QSOX1: variants seen among roughly 807,000 people sequenced by gnomAD.
The protein encoded by QSOX1 is sulfhydryl oxidase 1.
In QSOX1, 40 loss-of-function variants were observed where a neutral mutation model predicts 76.1. That is an observed-to-expected ratio of 0.53 (90% CI 0.41 to 0.68). The LOEUF (loss-of-function observed/expected upper bound fraction) is 0.68, where lower values mean the gene tolerates loss of function less well. Among genes scored for constraint, QSOX1 ranks in the 30% least tolerant of loss-of-function variants. The pLI, the probability that QSOX1 is intolerant of heterozygous loss-of-function variation, is 0.00. For missense variants in QSOX1, 931 were observed against 974.3 expected, an observed-to-expected ratio of 0.96 and a Z score of 0.59; for synonymous variants, 392 against 413.1, an observed-to-expected ratio of 0.95 and a Z score of 0.62.
At chr1:180,182,465 C>T (rs1200222016) in intron 6 of QSOX1, 146 bp downstream of exon 6, 14 of 1,141,534 alleles carry the variant, frequency 1.2e-5, no homozygotes, top group South Asian at 4.4e-5. Context: ...CTGCTGTCTG[C>T]GGGGCCAGCG....
chr1:180,175,969 A>G lies in QSOX1; in HGVS notation c.451A>G (p.Ile151Val). 1 of 1,601,488 alleles carries G rather than the reference A, an allele frequency of 6.2e-7. No homozygotes were observed. Among genetic ancestry groups the G allele is most frequent in the Non-Finnish European group, 8.5e-7 (1 of 1,174,930 alleles). The stretch of plus-strand genomic sequence containing the variant: ...CGTGCAGACACTGCGGGAGAGGCTC[A>G]TTGACGCCCTGGAGTCCCATCATGA... The part of the protein sequence containing the change: ...ADVQTLRERL[I>V]DALESHHDTW... Residue 151 changes from isoleucine to valine, a missense_variant, in exon 4 of 12, where the codon ATT becomes GTT. Transcript: ENST00000367602.
In QSOX1 at chr1:180,194,472, A is replaced by C. The variant is rs147523522; in HGVS notation, c.1468+80A>C. The C allele has an allele frequency of 1.3e-4, 184 of 1,411,706 alleles. 1 individual carries two copies. The East Asian group carries it at 4.6e-3, about 35-fold the overall frequency. 87.4% of individuals were successfully genotyped at this position (1,411,706 alleles called of 1,614,324 possible). A position where few individuals can be genotyped will look rare whatever the true frequency, so the allele number is the denominator to read the frequency against. ...GGATACTTGGGAGTCTTAGGCCAAAATTTGGGGAAGGGACACTCATTGTCC... is the reference window on the plus strand; with the variant it reads ...GGATACTTGGGAGTCTTAGGCCAAACTTTGGGGAAGGGACACTCATTGTCC... On this transcript the variant is annotated intron_variant, in intron 11 of 11. Coordinates refer to ENST00000367602, the MANE Select transcript of QSOX1 (RefSeq NM_002826.5).
intron 5 of QSOX1, among the ~76,000 whole-genome samples, chr1:180,179,896 C>T (rs1310499325): frequency 6.6e-6 from 1 of 152,184 alleles, no homozygotes; most frequent in Non-Finnish European, 1.5e-5. Context: ...CTCTGGGGTC[C>T]CAGTTCATGC....
Position 180,164,673 on chromosome 1 carries a change from C to T in QSOX1, c.266-1818C>T, listed in dbSNP as rs977956085. 8.5e-5 allele frequency among the ~76,000 whole-genome samples: 13 copies of T among 152,180 alleles called. 1 individual carries two copies. The highest frequency in any genetic ancestry group is 1.9e-4 in the African/African-American group (8 of 41,438). ...GGTAACACTCCTTCCCCAGGCGTAA[C>T]GTGTTCTTAGGAGCTCTGATACCTT... is the stretch of plus-strand genomic sequence containing the variant. On this transcript the variant is annotated intron_variant, in intron 1 of 11. Transcript: ENST00000367602.
At chr1:180,194,520 T>G in intron 11 of QSOX1, 128 bp downstream of exon 11, 1 of 866,400 alleles carries the variant, frequency 1.2e-6, no homozygotes, top group Non-Finnish European at 1.7e-6. Context: ...CCCAGGCCTG[T>G]TAACCAATGC....
chr1:180,195,259 G>A (rs867069186), intron 11 of QSOX1, among the ~76,000 whole-genome samples: 2 of 152,088 alleles, frequency 1.3e-5, no homozygotes, highest in Non-Finnish European at 2.9e-5. Flanking sequence ...CAGAAGCAGG[G>A]TGGTTCCCTC....
At chr1:180,172,442 G>T (rs981104203) in intron 2 of QSOX1, among the ~76,000 whole-genome samples, 6 of 152,134 alleles carry the variant, frequency 3.9e-5, no homozygotes, top group Non-Finnish European at 5.9e-5. Context: ...ATCCCCCTGG[G>T]CCACTCTGGC....
chr1:180,171,785 A>G lies in QSOX1; in HGVS notation c.367-3536A>G, dbSNP rs74132558. On this transcript the variant is annotated intron_variant, in intron 2 of 11. Transcript: ENST00000367602. The stretch of plus-strand genomic sequence containing the variant: ...CGAAAGTGAAGCTAGGACCAGGGCA[A>G]GGGGGCCAAGTAAGGCTGGTCAGTG... 4.2e-3 allele frequency among the ~76,000 whole-genome samples: 647 copies of G among 152,292 alleles called. 3 individuals are homozygous for G. Among genetic ancestry groups the G allele is most frequent in the African/African-American group, 0.014 (596 of 41,564 alleles).
At chr1:180,168,159 A>T (rs1200421358) in intron 2 of QSOX1, among the ~76,000 whole-genome samples, 2 of 152,260 alleles carry the variant, frequency 1.3e-5, no homozygotes, top group Non-Finnish European at 2.9e-5. Context: ...GAGGCGGCCT[A>T]GGCCCAGGAG....
chr1:180,159,522 G>A (rs1423445924), intron 1 of QSOX1, among the ~76,000 whole-genome samples: 1 of 152,200 alleles, frequency 6.6e-6, no homozygotes, highest in Non-Finnish European at 1.5e-5. Context: ...ACCACATTCT[G>A]TCTTACAGAA....
Position 180,196,544 on chromosome 1 carries a change from AGAT to A in QSOX1, c.1757_1759del (p.Met586del). 6.2e-7 allele frequency: 1 copy of A among 1,614,152 alleles called. No homozygotes were observed. The highest frequency in any genetic ancestry group is 8.5e-7 in the Non-Finnish European group (1 of 1,180,012). The stretch of plus-strand genomic sequence containing the variant: ...TCAACTCTGGACCCTGGGAAGCCTG[AGAT>A]GATGAAGTCCCCCACAAACACCACC... On this transcript the variant is annotated inframe_deletion, in exon 12 of 12. Coordinates refer to ENST00000367602, the MANE Select transcript of QSOX1 (RefSeq NM_002826.5). This position sits in a 1 kb window ranked among gnomAD's most constrained non-coding sequence, Gnocchi z 4.1.
At position 180,196,599 on chromosome 1, in the gene QSOX1, G is replaced by A; in HGVS notation, c.1806G>A (p.Glu602=). The A allele has an allele frequency of 6.2e-7, 1 of 1,614,218 alleles. No individual in the cohort carries two copies. The highest frequency in any genetic ancestry group is 8.5e-7 in the Non-Finnish European group (1 of 1,180,048). The part of the protein sequence containing the change: ...TTPHVPAEGP[E]ASRPPKLHPG... ...CACATGTGCCGGCTGAGGGACCTGA[G>A]GCAAGTCGACCCCCGAAGCTGCACC... Residue 602 remains glutamate (E), a synonymous_variant, in exon 12 of 12, where the codon GAG becomes GAA. Transcript: ENST00000367602. This position sits in a 1 kb window ranked among gnomAD's most constrained non-coding sequence, Gnocchi z 4.1.
rs3767189 is a variant in QSOX1, at chr1:180,169,254, G to A, written c.366+2663G>A. 6.6e-3 allele frequency among the ~76,000 whole-genome samples: 1,006 copies of A among 152,352 alleles called. 34 individuals are homozygous for A. The East Asian group carries it at 0.099, about 15-fold the overall frequency. ...TGGCAACCTAGAGGCTGGAACTTCC[G>A]GGTCAAGGGGCTTCTCCGTGGGCCT... On this transcript the variant is annotated intron_variant, in intron 2 of 11. Transcript: ENST00000367602.
chr1:180,195,483 T>C (rs1663449824), intron 11 of QSOX1, among the ~76,000 whole-genome samples: 1 of 152,186 alleles, frequency 6.6e-6, no homozygotes, highest in Admixed American at 6.5e-5. Flanking sequence ...TTAAAACCTT[T>C]AGGAGAAGTG....
Position 180,199,199 on chromosome 1 carries a change from C to T in QSOX1, c.*2162C>T, listed in dbSNP as rs1338590713. The T allele has an allele frequency of 2.0e-5, 3 of 152,220 alleles. No homozygotes were observed. Among genetic ancestry groups the T allele is most frequent in the Non-Finnish European group, 4.4e-5 (3 of 68,052 alleles). 9.4% of individuals were successfully genotyped at this position (152,220 alleles called of 1,614,324 possible). On this transcript the variant is annotated 3_prime_UTR_variant, in exon 12 of 12. Transcript: ENST00000367602. Reference sequence around the variant, plus strand: ...CCTCAGCAGCGTGGCTGCCTTTCACCTTGATTTCCCCAGGGCTCTCGGCAA... The same window carrying T: ...CCTCAGCAGCGTGGCTGCCTTTCACTTTGATTTCCCCAGGGCTCTCGGCAA...
chr1:180,180,402 G>A (rs1054135159), intron 5 of QSOX1, among the ~76,000 whole-genome samples: 27 of 152,290 alleles, frequency 1.8e-4, no homozygotes, highest in African/African-American at 6.3e-4. Flanking sequence ...TAGAGACGTG[G>A]TTTCACCATT....
In QSOX1 at chr1:180,198,671, C is replaced by T. The variant is rs1318061814; in HGVS notation, c.*1634C>T. The stretch of plus-strand genomic sequence containing the variant: ...TTTAGCTGCAGCGCCTTGCTGGGCT[C>T]CTGGGTTGGACTCCCTCTCTGTGCC... On this transcript the variant is annotated 3_prime_UTR_variant, in exon 12 of 12. Coordinates refer to ENST00000367602, the MANE Select transcript of QSOX1 (RefSeq NM_002826.5). The T allele has an allele frequency of 3.0e-6, 1 of 336,630 alleles. No individual in the cohort carries two copies. Among genetic ancestry groups the T allele is most frequent in the African/African-American group, 2.2e-5 (1 of 46,428 alleles). The allele number at this position is 336,630 out of a possible 1,614,324, so 20.9% of individuals were successfully genotyped here.
intron 4 of QSOX1, 73 bp from the exon 5 acceptor site, chr1:180,178,721 G>A (rs1463097788): frequency 2.6e-5 from 35 of 1,349,518 alleles, no homozygotes; most frequent in South Asian, 5.9e-5. Flanking sequence ...CATCACCAGC[G>A]TCTGGCGTTG....
rs1423986810 is a variant in QSOX1, at chr1:180,201,617, G to T, written c.*4580G>T. On this transcript the variant is annotated 3_prime_UTR_variant, in exon 12 of 12. Transcript: ENST00000367602. ...CTTGTCCCTCCTCAGGCATGCTGTT[G>T]TGCAGGACAGAGCCCTGGCTTCTCC... is the stretch of plus-strand genomic sequence containing the variant. 2.0e-5 allele frequency: 3 copies of T among 152,372 alleles called. No homozygotes were observed. Among genetic ancestry groups the T allele is most frequent in the African/African-American group, 7.2e-5 (3 of 41,456 alleles). 9.4% of individuals were successfully genotyped at this position (152,372 alleles called of 1,614,324 possible).
Sources: allele counts gnomAD v4.1 joint callset (sites outside exome capture counted in the v4.1 genomes callset), GRCh38; gene constraint gnomAD v4.1.1; non-coding constraint Gnocchi (gnomAD v3.1); transcripts MANE v1.5; gene names NCBI Gene and HGNC (gene_info 2026-07-23, HGNC 2026-07-21).